The following NCKAP5 variants were observed in gnomAD, a reference collection of about 807,000 sequenced individuals.
NCKAP5 encodes the protein NCK associated protein 5, also known as nck-associated protein 5.
Under a neutral mutation model 167.0 loss-of-function variants are expected in NCKAP5, and 92 were observed. The observed-to-expected ratio is 0.55, with a 90% CI of 0.47 to 0.66. The LOEUF is 0.66. Ranked by LOEUF, NCKAP5 falls within the 30% of genes least tolerant of loss-of-function variation. The pLI is 0.00. For missense variants in NCKAP5, 2,378 were observed against 2,315.0 expected (o/e 1.03, Z -0.56); for synonymous variants, 891 against 877.4 (o/e 1.02, Z -0.27).
chr2:132,710,598 G>A (rs1045012675), intron 19 of NCKAP5, among the ~76,000 whole-genome samples: 5 of 152,100 alleles, frequency 3.3e-5, no homozygotes, highest in Non-Finnish European at 5.9e-5. Context: ...AGAAGCGGGG[G>A]AAAAAGGGAA....
intron 6 of NCKAP5, among the ~76,000 whole-genome samples, chr2:133,106,103 C>T (rs2081680232): frequency 6.6e-6 from 1 of 151,272 alleles, no homozygotes; most frequent in South Asian, 2.1e-4. Flanking sequence ...ACCATCCTGG[C>T]TAAAATGGTG....
intron 8 of NCKAP5, among the ~76,000 whole-genome samples, chr2:132,939,980 G>A (rs1558967204): frequency 1.3e-5 from 2 of 151,982 alleles, no homozygotes; most frequent in Admixed American, 6.6e-5. Context: ...AGCCTGGGTG[G>A]AGTGAGATGC....
At chr2:132,821,978 A>T (rs576964971) in intron 11 of NCKAP5, among the ~76,000 whole-genome samples, 2 of 152,254 alleles carry the variant, frequency 1.3e-5, no homozygotes, top group South Asian at 4.2e-4. Context: ...TGGGAGCTTT[A>T]TGGCCCCACC....
chr2:132,986,029 TA>T lies in NCKAP5; in HGVS notation c.429+8122del, dbSNP rs547980920. Among the ~76,000 whole-genome samples the T allele has an allele frequency of 6.6e-5, 10 of 152,284 alleles. No homozygotes were observed. The East Asian group carries it at 1.9e-3, about 29-fold the overall frequency. On this transcript the variant is annotated intron_variant, in intron 7 of 19. Coordinates refer to ENST00000409261, the MANE Select transcript of NCKAP5 (RefSeq NM_207363.3). ...TCACTCAATGTACTCACTGCCGATCTACATATTTACAGTTGTTTACCACATT... is the reference window on the plus strand; with the variant it reads ...TCACTCAATGTACTCACTGCCGATCTCATATTTACAGTTGTTTACCACATT...
At chr2:133,563,564 TAAAAAAAAAAAA>T (rs57901498) in intron 1 of NCKAP5, among the ~76,000 whole-genome samples, 21 of 53,012 alleles carry the variant, frequency 4.0e-4, no homozygotes, top group South Asian at 1.1e-3. Flanking sequence ...AAAGACTCCA[TAAAAAAAAAAAA>T]AAAAAAAAAA....
intron 7 of NCKAP5, among the ~76,000 whole-genome samples, chr2:132,976,748 T>C (rs986823084): frequency 2.0e-5 from 3 of 151,760 alleles, no homozygotes; most frequent in Non-Finnish European, 2.9e-5. Context: ...AGCATCATGT[T>C]ATATATAATA....
At chr2:133,583,606 A>G in the NCKAP5 span, among the ~76,000 whole-genome samples, 1 of 152,338 alleles carries the variant, frequency 6.6e-6, no homozygotes, top group South Asian at 2.1e-4. Flanking sequence ...AGTTTGTAAA[A>G]GTTCACATAA....
In NCKAP5 at chr2:133,568,411, C is replaced by A. The variant is rs991928743; in HGVS notation, c.-325G>T. ...CGGCTGGGAAGTCCTGCCGTGAATGCGGAGCAAGTTTGCGGAGACTTGCTC... is the reference window on the plus strand; with the variant it reads ...CGGCTGGGAAGTCCTGCCGTGAATGAGGAGCAAGTTTGCGGAGACTTGCTC... On this transcript the variant is annotated 5_prime_UTR_variant, in exon 1 of 20. Transcript: ENST00000409261. 3 of 152,184 alleles carry A rather than the reference C, an allele frequency of 2.0e-5. No individual in the cohort carries two copies. Among genetic ancestry groups the A allele is most frequent in the Non-Finnish European group, 2.9e-5 (2 of 68,040 alleles). The allele number at this position is 152,184 out of a possible 1,614,324, so 9.4% of individuals were successfully genotyped here.
At chr2:132,722,709 T>C (rs916590146) in intron 19 of NCKAP5, among the ~76,000 whole-genome samples, 1 of 152,174 alleles carries the variant, frequency 6.6e-6, no homozygotes, top group African/African-American at 2.4e-5. Flanking sequence ...CCATTTCACT[T>C]GGCAGAAGGC....
At chr2:133,180,610 A>T (rs1342457586) in intron 5 of NCKAP5, among the ~76,000 whole-genome samples, 1 of 152,170 alleles carries the variant, frequency 6.6e-6, no homozygotes, top group Non-Finnish European at 1.5e-5. Context: ...AAGTGCTGGG[A>T]TTACAGACGT....
At chr2:133,601,178 T>C in the NCKAP5 span, among the ~76,000 whole-genome samples, 1 of 152,214 alleles carries the variant, frequency 6.6e-6, no homozygotes, top group Non-Finnish European at 1.5e-5. Context: ...CTGAGCTGTA[T>C]GATGGCAGGA....
chr2:132,791,542 C>T (rs4953858), intron 12 of NCKAP5, among the ~76,000 whole-genome samples: 7,613 of 152,268 alleles, frequency 0.05, 381 homozygotes, highest in East Asian at 0.13. Flanking sequence ...CCACTGAGAA[C>T]AGAATCTCTC....
At chr2:133,657,691 C>T in the NCKAP5 span, among the ~76,000 whole-genome samples, 1 of 152,020 alleles carries the variant, frequency 6.6e-6, no homozygotes, top group African/African-American at 2.4e-5. Context: ...AAAATAAGAA[C>T]CTGAAGTTAC....
At chr2:133,070,643 G>A (rs1167914211) in intron 6 of NCKAP5, among the ~76,000 whole-genome samples, 1 of 152,074 alleles carries the variant, frequency 6.6e-6, no homozygotes, top group Non-Finnish European at 1.5e-5. Context: ...TCTTTTTCAA[G>A]TCACTGCTAC....
intron 8 of NCKAP5, chr2:132,954,832 A>C: frequency 2.6e-6 from 1 of 380,066 alleles, no homozygotes; most frequent in Non-Finnish European, 5.2e-6. Context: ...TACTTTTATA[A>C]TCAGAAAACT....
At chr2:133,290,728 CTTTTT>C (rs58758295) in intron 4 of NCKAP5, among the ~76,000 whole-genome samples, 6 of 89,368 alleles carry the variant, frequency 6.7e-5, no homozygotes, top group Admixed American at 2.8e-4. Context: ...AGAATTTCTC[CTTTTT>C]TTTTTTTTTT....
chr2:132,784,269 T>A lies in NCKAP5; in HGVS notation c.2542A>T (p.Met848Leu). The change falls in exon 14 of 20, where the codon ATG becomes TTG. Residue 848 changes from methionine (M) to leucine (L), a missense_variant. Coordinates refer to ENST00000409261, the MANE Select transcript of NCKAP5 (RefSeq NM_207363.3). Reference protein sequence around the residue: ...ALAPGKLSRFMKTESSGPLFE... With the variant: ...ALAPGKLSRFLKTESSGPLFE... ...AGGGGCCCTGAGCTCTCAGTCTTCA[T>A]GAATCGTGAGAGTTTCCCAGGAGCT... The A allele has an allele frequency of 1.2e-6, 2 of 1,611,858 alleles. No homozygotes were observed. Among genetic ancestry groups the A allele is most frequent in the Non-Finnish European group, 1.7e-6 (2 of 1,179,268 alleles).
At chr2:133,405,589 C>G (rs1470131284) in intron 3 of NCKAP5, among the ~76,000 whole-genome samples, 2 of 152,190 alleles carry the variant, frequency 1.3e-5, no homozygotes, top group South Asian at 2.1e-4. Context: ...CAGTCTAAGT[C>G]TGCAAGTGAT....
chr2:133,123,852 G>A (rs2278457), intron 6 of NCKAP5: 34,610 of 470,372 alleles, frequency 0.074, 1,592 homozygotes, highest in East Asian at 0.18. Context: ...AAGCAGAAGG[G>A]AGTACATGGG....
Sources: gnomAD v4.1 joint callset for allele counts (sites outside exome capture counted in the v4.1 genomes callset) on GRCh38, gnomAD v4.1.1 for gene constraint, MANE v1.5 for transcripts, NCBI Gene and HGNC (gene_info 2026-07-23, HGNC 2026-07-21) for gene names.